Variants in TIAM1 observed in about 807,000 individuals in gnomAD.
TIAM1 encodes the protein TIAM Rac1 associated GEF 1, also known as rho guanine nucleotide exchange factor TIAM1.
Under a neutral mutation model 163.5 loss-of-function variants are expected in TIAM1, and 65 were observed. The observed-to-expected ratio is 0.40, with a 90% CI of 0.33 to 0.49. The LOEUF is 0.49. TIAM1 is among the 20% of genes least tolerant of loss of function. The pLI, the probability that TIAM1 is intolerant of heterozygous loss-of-function variation, is 0.77. For missense variants in TIAM1, 1,789 were observed against 2,044.7 expected (o/e 0.87, Z 2.41); for synonymous variants, 833 against 810.1 (o/e 1.03, Z -0.48).
intron 2 of TIAM1, among the ~76,000 whole-genome samples, chr21:31,354,846 G>A (rs2243936): frequency 0.5 from 75,907 of 151,902 alleles, 19,102 homozygotes; most frequent in Admixed American, 0.54. Flanking sequence ...GGACCACAAC[G>A]CTGACAACCT....
chr21:31,491,457 T>C (rs2046466548), intron 1 of TIAM1, among the ~76,000 whole-genome samples: 1 of 152,202 alleles, frequency 6.6e-6, no homozygotes, highest in Non-Finnish European at 1.5e-5. Flanking sequence ...TGTCTGGAGC[T>C]GATCCCCAGC....
chr21:31,303,200 T>C (rs1792695211), intron 2 of TIAM1, among the ~76,000 whole-genome samples: 1 of 152,104 alleles, frequency 6.6e-6, no homozygotes, highest in Non-Finnish European at 1.5e-5. Context: ...AAAAAGTAAA[T>C]TTTCCCATAG....
chr21:31,435,554 T>G (rs534375529), intron 2 of TIAM1, among the ~76,000 whole-genome samples: 1 of 152,330 alleles, frequency 6.6e-6, no homozygotes, highest in Non-Finnish European at 1.5e-5. Flanking sequence ...CAGCAACTTA[T>G]AGATTATGGG....
chr21:31,558,225 G>A (rs947801319), intron 1 of TIAM1, among the ~76,000 whole-genome samples: 6 of 152,160 alleles, frequency 3.9e-5, no homozygotes, highest in Admixed American at 6.5e-5. Flanking sequence ...GGCGAGGCGG[G>A]GACGGGATAG....
At chr21:31,310,154 G>C (rs1010040354) in intron 2 of TIAM1, among the ~76,000 whole-genome samples, 1 of 152,226 alleles carries the variant, frequency 6.6e-6, no homozygotes, top group Non-Finnish European at 1.5e-5. Flanking sequence ...CCACACGCCT[G>C]AGTTCAGGCC....
At chr21:31,312,848 G>A (rs1252827544) in intron 2 of TIAM1, among the ~76,000 whole-genome samples, 2 of 152,050 alleles carry the variant, frequency 1.3e-5, no homozygotes, top group African/African-American at 2.4e-5. Flanking sequence ...ACAGAATGAC[G>A]GGAAGAAAAG....
chr21:31,323,478 G>A (rs536270262), intron 2 of TIAM1, among the ~76,000 whole-genome samples: 29 of 152,108 alleles, frequency 1.9e-4, no homozygotes, highest in Admixed American at 5.9e-4. Context: ...GGAGGCCAAC[G>A]TGGGCGAATC....
At chr21:31,514,633 C>A (rs2047320422) in intron 1 of TIAM1, among the ~76,000 whole-genome samples, 3 of 152,182 alleles carry the variant, frequency 2.0e-5, no homozygotes, top group Admixed American at 2.0e-4. Context: ...GTGGAGATTG[C>A]AGTGAGCCAA....
intron 1 of TIAM1, among the ~76,000 whole-genome samples, chr21:31,489,764 C>A (rs12627364): frequency 1 from 152,176 of 152,176 alleles, 76,088 homozygotes; most frequent in Non-Finnish European, 1. Flanking sequence ...TCAGGGCAGA[C>A]AGTCCCCAGA....
At chr21:31,465,371 G>A (rs923138305) in intron 1 of TIAM1, among the ~76,000 whole-genome samples, 1 of 151,970 alleles carries the variant, frequency 6.6e-6, no homozygotes, top group Non-Finnish European at 1.5e-5. Flanking sequence ...GGGACTACAG[G>A]CATGTGCCAC....
In TIAM1 at chr21:31,410,731, A is replaced by G. The variant is rs1177011544; in HGVS notation, c.-369+53252T>C. 1.8e-4 allele frequency among the ~76,000 whole-genome samples: 28 copies of G among 151,918 alleles called. 1 individual carries two copies. Among genetic ancestry groups the G allele is most frequent in the Admixed American group, 1.8e-3 (28 of 15,250 alleles). Reference sequence around the variant, plus strand: ...GTGAGAGAGACACAGAGAGAAAGAAAGGGAGGAGAGAGAGGCAGAGGGAGG... The same window carrying G: ...GTGAGAGAGACACAGAGAGAAAGAAGGGGAGGAGAGAGAGGCAGAGGGAGG... On this transcript the variant is annotated intron_variant, in intron 2 of 28. Transcript: ENST00000286827.
At chr21:31,364,662 T>C (rs984406645) in intron 2 of TIAM1, among the ~76,000 whole-genome samples, 1 of 152,096 alleles carries the variant, frequency 6.6e-6, no homozygotes, top group African/African-American at 2.4e-5. Flanking sequence ...CCAGGGACCA[T>C]GGATGGACGG....
In TIAM1 at chr21:31,395,961, G is replaced by T. The variant is rs776709400; in HGVS notation, c.-368-56539C>A. 6.6e-6 allele frequency among the ~76,000 whole-genome samples: 1 copy of T among 152,148 alleles called. No individual in the cohort carries two copies. Among genetic ancestry groups the T allele is most frequent in the Non-Finnish European group, 1.5e-5 (1 of 68,008 alleles). Reference sequence around the variant, plus strand: ...TTCCTCTAGATTTAAAATTCAACAGGAACATGGCTTTTTTCCTCCGTAATG... The same window carrying T: ...TTCCTCTAGATTTAAAATTCAACAGTAACATGGCTTTTTTCCTCCGTAATG... On this transcript the variant is annotated intron_variant, in intron 2 of 28. Coordinates refer to the TIAM1 transcript ENST00000286827. This position sits in a 1 kb window ranked among gnomAD's most constrained non-coding sequence, Gnocchi z 7.5.
At chr21:31,521,913 C>T (rs2047608830) in intron 1 of TIAM1, among the ~76,000 whole-genome samples, 1 of 152,074 alleles carries the variant, frequency 6.6e-6, no homozygotes, top group Non-Finnish European at 1.5e-5. Context: ...TCTCTGTCGC[C>T]CAGGCTGGAG....
At chr21:31,557,942 G>A (rs1012119303) in intron 1 of TIAM1, among the ~76,000 whole-genome samples, 4 of 152,118 alleles carry the variant, frequency 2.6e-5, no homozygotes, top group African/African-American at 9.7e-5. Context: ...GGCGCCGTGC[G>A]CGGCGGGGGC....
chr21:31,452,535 G>T, intron 2 of TIAM1: 1 of 599,660 alleles, frequency 1.7e-6, no homozygotes. Context: ...TGGACTCTGG[G>T]GTGTTCTCCG....
chr21:31,465,082 C>G (rs1346809628), intron 1 of TIAM1, among the ~76,000 whole-genome samples: 1 of 151,442 alleles, frequency 6.6e-6, no homozygotes, highest in African/African-American at 2.4e-5. Context: ...ACTGTAGTCC[C>G]AGCGACTAGG....
intron 2 of TIAM1, among the ~76,000 whole-genome samples, chr21:31,287,100 G>A (rs2073838421): frequency 6.6e-6 from 1 of 152,262 alleles, no homozygotes; most frequent in Non-Finnish European, 1.5e-5. Context: ...CTTTGAAATT[G>A]AATATATCTT....
At chr21:31,419,860 A>G (rs553883440) in intron 2 of TIAM1, among the ~76,000 whole-genome samples, 25 of 152,098 alleles carry the variant, frequency 1.6e-4, no homozygotes, top group Non-Finnish European at 3.4e-4. Context: ...AGACCAGCCT[A>G]GCCAACATGG....
Sources: gnomAD v4.1 joint callset for allele counts (sites outside exome capture counted in the v4.1 genomes callset) on GRCh38, gnomAD v4.1.1 for gene constraint, Gnocchi (gnomAD v3.1) non-coding constraint, MANE v1.5 for transcripts, NCBI Gene and HGNC (gene_info 2026-07-23, HGNC 2026-07-21) for gene names.